Variants in GPAM observed in about 807,000 individuals in gnomAD.
GPAM encodes glycerol-3-phosphate acyltransferase, mitochondrial.
Under a neutral mutation model 105.0 loss-of-function variants are expected in GPAM, and 56 were observed. The ratio of observed to expected loss-of-function variants is 0.53; its 90% CI spans 0.43 to 0.67. The LOEUF (loss-of-function observed/expected upper bound fraction) is 0.67, where lower values mean the gene tolerates loss of function less well. Ranked by LOEUF, GPAM falls within the 30% of genes least tolerant of loss-of-function variation. The pLI is 0.00. For synonymous variants in GPAM, 368 were observed against 354.4 expected (o/e 1.04, Z -0.43); for missense variants, 855 against 989.8 (o/e 0.86, Z 1.83).
chr10:112,198,359 C>T (rs1402302624), intron 1 of GPAM, among the ~76,000 whole-genome samples: 3 of 152,188 alleles, frequency 2.0e-5, no homozygotes, highest in African/African-American at 4.8e-5. Context: ...CAGGTATAAA[C>T]GTGCATAGTT....
chr10:112,226,704 G>A, the GPAM span, among the ~76,000 whole-genome samples: 9 of 152,174 alleles, frequency 5.9e-5, no homozygotes, highest in Non-Finnish European at 1.2e-4. Flanking sequence ...TGCATCAAGC[G>A]ACTGAGCTGC....
chr10:112,189,271 T>TTATTCTGTATA (rs1310997286), intron 1 of GPAM, among the ~76,000 whole-genome samples: 1 of 152,232 alleles, frequency 6.6e-6, no homozygotes, highest in Admixed American at 6.5e-5. Flanking sequence ...GTTTATTTAT[T>TTATTCTGTATA]TATTCAGTAT....
the GPAM span, among the ~76,000 whole-genome samples, chr10:112,221,870 G>A: frequency 6.6e-5 from 10 of 152,244 alleles, no homozygotes; most frequent in East Asian, 1.2e-3. Context: ...AGATAATAAC[G>A]CTGCAAAATA....
At chr10:112,225,443 C>A in the GPAM span, among the ~76,000 whole-genome samples, 2 of 152,174 alleles carry the variant, frequency 1.3e-5, no homozygotes, top group Non-Finnish European at 2.9e-5. Context: ...GTGTGACCAC[C>A]ACCACCTTTC....
the GPAM span, among the ~76,000 whole-genome samples, chr10:112,225,128 T>C: frequency 6.6e-6 from 1 of 152,176 alleles, no homozygotes; most frequent in African/African-American, 2.4e-5. Context: ...ATGGGGTGGA[T>C]GGCACCCCAA....
intron 1 of GPAM, among the ~76,000 whole-genome samples, chr10:112,189,211 C>T (rs974884721): frequency 6.6e-6 from 1 of 152,172 alleles, no homozygotes; most frequent in Non-Finnish European, 1.5e-5. Flanking sequence ...ATTATTCTTA[C>T]TGGATTCATG....
chr10:112,204,033 G>A (rs755368701), intron 1 of GPAM, among the ~76,000 whole-genome samples: 13 of 152,136 alleles, frequency 8.5e-5, no homozygotes, highest in East Asian at 5.8e-4. Flanking sequence ...GGTGTATTCC[G>A]TGGAGGAGAT....
chr10:112,155,029 T>C (rs1399989945), intron 20 of GPAM: 7 of 384,296 alleles, frequency 1.8e-5, no homozygotes, highest in Non-Finnish European at 2.9e-5. Context: ...TGAGATAGTG[T>C]ATAAATATTC....
At chr10:112,169,821 A>G (rs1189139973) in intron 9 of GPAM, among the ~76,000 whole-genome samples, 1 of 152,182 alleles carries the variant, frequency 6.6e-6, no homozygotes, top group Non-Finnish European at 1.5e-5. Flanking sequence ...CATCACTTGC[A>G]TTACCCTCTG....
chr10:112,166,272 T>C (rs1315386718), intron 12 of GPAM, 130 bp downstream of exon 12: 5 of 710,632 alleles, frequency 7.0e-6, no homozygotes, highest in African/African-American at 3.5e-5. Context: ...ACCTTTATCA[T>C]AGTCCTCATT....
intron 1 of GPAM, among the ~76,000 whole-genome samples, chr10:112,209,138 G>A (rs1847883074): frequency 1.3e-5 from 2 of 152,212 alleles, no homozygotes; most frequent in Admixed American, 1.3e-4. Flanking sequence ...TAAATTGCCT[G>A]TTGAATTACC....
chr10:112,164,333 A>G (rs1180055547), intron 13 of GPAM, among the ~76,000 whole-genome samples, 192 bp downstream of exon 13: 1 of 152,260 alleles, frequency 6.6e-6, no homozygotes, highest in Non-Finnish European at 1.5e-5. Flanking sequence ...AAAAGTTATA[A>G]GCAAATAATT....
intron 1 of GPAM, among the ~76,000 whole-genome samples, chr10:112,190,477 G>C (rs1013740587): frequency 1.4e-5 from 2 of 147,968 alleles, no homozygotes; most frequent in Non-Finnish European, 3.0e-5. Context: ...CCCAGCCTGG[G>C]CAACAGAGTG....
chr10:112,202,854 T>C (rs1177102140), intron 1 of GPAM, among the ~76,000 whole-genome samples: 1 of 152,128 alleles, frequency 6.6e-6, no homozygotes, highest in Non-Finnish European at 1.5e-5. Context: ...AAAATCTCAT[T>C]TGGAAAGGTG....
At chr10:112,212,192 G>C (rs1462920759) in intron 1 of GPAM, among the ~76,000 whole-genome samples, 1 of 152,148 alleles carries the variant, frequency 6.6e-6, no homozygotes. Context: ...TCAGTAACTG[G>C]GGAGGCAGAC....
chr10:112,199,055 T>G (rs1157426991), intron 1 of GPAM, among the ~76,000 whole-genome samples: 1 of 151,276 alleles, frequency 6.6e-6, no homozygotes, highest in Non-Finnish European at 1.5e-5. Flanking sequence ...CCCGAGTAGC[T>G]GGGACTACAG....
intron 1 of GPAM, among the ~76,000 whole-genome samples, chr10:112,196,434 A>G (rs1589605930): frequency 6.6e-6 from 1 of 152,118 alleles, no homozygotes; most frequent in Middle Eastern, 3.2e-3. Context: ...AAGCTCAAAT[A>G]TTTTCCTTTG....
At chr10:112,183,241 C>T (rs1320434007) in intron 1 of GPAM, among the ~76,000 whole-genome samples, 1 of 152,158 alleles carries the variant, frequency 6.6e-6, no homozygotes, top group African/African-American at 2.4e-5. Context: ...GTTGAGAGGA[C>T]GGAATAATAT....
chr10:112,182,763 A>T (rs2133270806), intron 2 of GPAM, 31 bp downstream of exon 2: 1 of 152,364 alleles, frequency 6.6e-6, no homozygotes, highest in South Asian at 2.1e-4. Flanking sequence ...ATCTAACATA[A>T]CAGGCTAGGG....
Sources: allele counts gnomAD v4.1 joint callset (sites outside exome capture counted in the v4.1 genomes callset), GRCh38; gene constraint gnomAD v4.1.1; transcripts MANE v1.5; gene names NCBI Gene and HGNC (gene_info 2026-07-23, HGNC 2026-07-21).